The following GLDC variants were observed in gnomAD, a reference collection of about 807,000 sequenced individuals.
GLDC encodes the protein glycine dehydrogenase (decarboxylating), mitochondrial.
In GLDC, 104 loss-of-function variants were observed where a neutral mutation model predicts 121.3. The ratio of observed to expected loss-of-function variants is 0.86; its 90% CI spans 0.73 to 1.01. The LOEUF (loss-of-function observed/expected upper bound fraction) is 1.01, where lower values mean the gene tolerates loss of function less well. Among genes scored for constraint, GLDC ranks in the 50% least tolerant of loss-of-function variants. GLDC has a pLI of 0.00. For synonymous variants in GLDC, 546 were observed against 480.6 expected, an observed-to-expected ratio of 1.14 and a Z score of -1.78; for missense variants, 1,429 against 1,306.6, an observed-to-expected ratio of 1.09 and a Z score of -1.44.
At chr9:6,635,590 G>T (rs892228709) in intron 2 of GLDC, among the ~76,000 whole-genome samples, 60 of 152,002 alleles carry the variant, frequency 3.9e-4, no homozygotes, top group African/African-American at 1.4e-3. Flanking sequence ...ATAATAATAG[G>T]ATCTGGGTGT....
intron 2 of GLDC, among the ~76,000 whole-genome samples, chr9:6,629,626 CAT>C (rs1179502220): frequency 6.4e-5 from 9 of 140,624 alleles, no homozygotes; most frequent in East Asian, 2.1e-4. Context: ...CACACACACA[CAT>C]GCACACATTG....
chr9:6,589,250 G>C lies in GLDC; in HGVS notation c.1525C>G (p.Pro509Ala), dbSNP rs557412758. The change falls in exon 12 of 25, where the codon CCA becomes GCA. Residue 509 changes from proline to alanine, a missense_variant. Physicochemically the swap from Pro to Ala is conservative, Grantham distance 27. Coordinates refer to ENST00000321612, the MANE Select transcript of GLDC (RefSeq NM_000170.3). ...ESMGEECRGI[P>A]GSVFKRTSPF... is the part of the protein sequence containing the mutation. ...CTGGTCCTCTTGAACACAGACCCTG[G>C]AATACCTCTGCACTCCTCTCCCATG... 259 of 1,611,172 alleles carry C rather than the reference G, an allele frequency of 1.6e-4. 3 individuals are homozygous for C. The South Asian group carries it at 2.7e-3, about 17-fold the overall frequency.
At chr9:6,615,157 A>T (rs1337525811) in intron 3 of GLDC, among the ~76,000 whole-genome samples, 2 of 152,212 alleles carry the variant, frequency 1.3e-5, no homozygotes, top group African/African-American at 2.4e-5. Context: ...CTCAAATCAG[A>T]CTAATGTACT....
At chr9:6,604,136 T>C (rs1818682166) in intron 7 of GLDC, among the ~76,000 whole-genome samples, 1 of 152,132 alleles carries the variant, frequency 6.6e-6, no homozygotes, top group Non-Finnish European at 1.5e-5. Flanking sequence ...GGAAAGTACA[T>C]TTGGAAATTT....
At chr9:6,631,873 C>T (rs1323676814) in intron 2 of GLDC, among the ~76,000 whole-genome samples, 2 of 152,144 alleles carry the variant, frequency 1.3e-5, no homozygotes, top group African/African-American at 4.8e-5. Flanking sequence ...TTGAGACCAG[C>T]CTAGGCAACA....
chr9:6,571,945 A>G (rs1258318336), intron 15 of GLDC, among the ~76,000 whole-genome samples: 1 of 152,232 alleles, frequency 6.6e-6, no homozygotes, highest in Non-Finnish European at 1.5e-5. Context: ...AAGTAATTCA[A>G]TGGAGGAAAG....
chr9:6,574,234 T>C (rs1818018984), intron 15 of GLDC, among the ~76,000 whole-genome samples: 1 of 151,936 alleles, frequency 6.6e-6, no homozygotes, highest in South Asian at 2.1e-4. Flanking sequence ...GGCCAGAACT[T>C]CGGGAGGCAG....
chr9:6,579,646 C>T lies in GLDC; in HGVS notation c.1850+7495G>A, dbSNP rs75867904. On this transcript the variant is annotated intron_variant, in intron 15 of 24. Coordinates refer to ENST00000321612, the MANE Select transcript of GLDC (RefSeq NM_000170.3). ...AGTGCTGGGACTGTGAGCCACCGTGCCCAGTCCTGATTGTTTAAAATTGAA... is the reference window on the plus strand; with the variant it reads ...AGTGCTGGGACTGTGAGCCACCGTGTCCAGTCCTGATTGTTTAAAATTGAA... Among the ~76,000 whole-genome samples, 263 of 152,240 alleles carry T rather than the reference C, an allele frequency of 1.7e-3. 2 individuals carry two copies. The highest frequency in any genetic ancestry group is 6.2e-3 in the African/African-American group (259 of 41,548).
At chr9:6,569,862 G>C (rs946483362) in intron 15 of GLDC, among the ~76,000 whole-genome samples, 1 of 152,038 alleles carries the variant, frequency 6.6e-6, no homozygotes, top group African/African-American at 2.4e-5. Context: ...TGTAATCCCA[G>C]CTACTTGGGA....
chr9:6,632,549 C>A (rs753583893), intron 2 of GLDC, among the ~76,000 whole-genome samples: 1 of 152,212 alleles, frequency 6.6e-6, no homozygotes, highest in Non-Finnish European at 1.5e-5. Context: ...ATCCGTACAT[C>A]GTATAACTGA....
chr9:6,615,209 G>T (rs1039020397), intron 3 of GLDC, among the ~76,000 whole-genome samples: 4 of 152,120 alleles, frequency 2.6e-5, no homozygotes, highest in African/African-American at 9.7e-5. Flanking sequence ...CTGTAAATTA[G>T]CATCTGTAAG....
chr9:6,598,023 G>C (rs1238371991), intron 8 of GLDC, among the ~76,000 whole-genome samples: 1 of 152,116 alleles, frequency 6.6e-6, no homozygotes, highest in Non-Finnish European at 1.5e-5. Flanking sequence ...AGAAAAAATT[G>C]TTTCTTTTCC....
chr9:6,639,399 A>G, intron 2 of GLDC: 2 of 919,250 alleles, frequency 2.2e-6, no homozygotes, highest in Non-Finnish European at 3.6e-6. Flanking sequence ...CTGAGTCGCC[A>G]TGAAGAAGAT....
At chr9:6,590,610 G>A (rs1394573333) in intron 11 of GLDC, among the ~76,000 whole-genome samples, 2 of 152,104 alleles carry the variant, frequency 1.3e-5, no homozygotes, top group African/African-American at 4.8e-5. Context: ...ACCCTCACCA[G>A]AAGCAAACGC....
At chr9:6,631,858 G>T (rs1488007534) in intron 2 of GLDC, among the ~76,000 whole-genome samples, 1 of 152,208 alleles carries the variant, frequency 6.6e-6, no homozygotes, top group Non-Finnish European at 1.5e-5. Flanking sequence ...TTTGAACCCA[G>T]GAGTTTGAGA....
intron 8 of GLDC, 71 bp downstream of exon 8, chr9:6,602,038 A>G: frequency 2.1e-6 from 2 of 933,120 alleles, no homozygotes; most frequent in Non-Finnish European, 3.6e-6. Context: ...TGAACAAATG[A>G]ATGAATGAAT....
chr9:6,555,153 C>G (rs2129721660), intron 18 of GLDC, among the ~76,000 whole-genome samples: 1 of 152,358 alleles, frequency 6.6e-6, no homozygotes, highest in Admixed American at 6.5e-5. Flanking sequence ...CTTCCCTGAG[C>G]AGCGCTACCT....
At chr9:6,539,561 G>A (rs1246253813) in intron 22 of GLDC, among the ~76,000 whole-genome samples, 1 of 152,152 alleles carries the variant, frequency 6.6e-6, no homozygotes, top group Non-Finnish European at 1.5e-5. Flanking sequence ...GAGCTGAGCT[G>A]AATGAACACC....
chr9:6,593,519 C>G (rs1211684267), intron 9 of GLDC, among the ~76,000 whole-genome samples: 1 of 151,790 alleles, frequency 6.6e-6, no homozygotes, highest in Non-Finnish European at 1.5e-5. Context: ...CCAGGCTGGC[C>G]TTGAACTCTG....
Sources: gnomAD v4.1 joint callset for allele counts (sites outside exome capture counted in the v4.1 genomes callset) on GRCh38, gnomAD v4.1.1 for gene constraint, MANE v1.5 for transcripts, NCBI Gene and HGNC (gene_info 2026-07-23, HGNC 2026-07-21) for gene names.